The following SLAMF7 variants were observed in gnomAD, a reference collection of about 807,000 sequenced individuals.
SLAMF7 encodes SLAM family member 7.
A neutral mutation model predicts 34.1 loss-of-function variants in SLAMF7; 26 were observed. That is an observed-to-expected ratio of 0.76 (90% CI 0.56 to 1.06). The LOEUF is 1.06. Ranked by LOEUF, SLAMF7 falls within the 50% of genes least tolerant of loss-of-function variation. SLAMF7 has a pLI of 0.00. For missense variants in SLAMF7, 399 were observed against 402.5 expected (o/e 0.99, Z 0.07); for synonymous variants, 171 against 156.4 (o/e 1.09, Z -0.70).
rs1227165898 is a variant in SLAMF7, at chr1:160,754,241, C to T, written c.*1064C>T. 1 of 152,254 alleles carries T rather than the reference C, an allele frequency of 6.6e-6. No individual in the cohort carries two copies. Among genetic ancestry groups the T allele is most frequent in the South Asian group, 2.1e-4 (1 of 4,826 alleles). The allele number at this position is 152,254 out of a possible 1,614,324, so 9.4% of individuals were successfully genotyped here. A position where few individuals can be genotyped will look rare whatever the true frequency, so the allele number is the denominator to read the frequency against. ...CCAAGGTGGGTGGGTCATCTGAGGT[C>T]AGGAGTTCAAGACCAGCCTGGCCAA... is the stretch of plus-strand genomic sequence containing the variant. On this transcript the variant is annotated 3_prime_UTR_variant, in exon 7 of 7. Transcript: ENST00000368043.
chr1:160,742,653 G>T (rs970011314), intron 1 of SLAMF7, among the ~76,000 whole-genome samples: 1 of 152,120 alleles, frequency 6.6e-6, no homozygotes, highest in East Asian at 1.9e-4. Context: ...TTTATTTCTC[G>T]TATGAGGGTT....
Position 160,749,966 on chromosome 1 carries a change from C to T in SLAMF7, c.522C>T (p.Ser174=), listed in dbSNP as rs752212151. The change falls in exon 3 of 7, where the codon TCC becomes TCT. Residue 174 remains serine, a synonymous_variant. Transcript: ENST00000368043. The part of the protein sequence containing the change: ...WKALGQAANE[S]HNGSILPISW... The stretch of plus-strand genomic sequence containing the variant: ...CCCTGGGGCAAGCAGCCAATGAGTC[C>T]CATAATGGGTCCATCCTCCCCATCT... 2 of 1,613,964 alleles carry T rather than the reference C, an allele frequency of 1.2e-6. No homozygotes were observed. Among genetic ancestry groups the T allele is most frequent in the Non-Finnish European group, 1.7e-6 (2 of 1,179,980 alleles).
intron 6 of SLAMF7, among the ~76,000 whole-genome samples, chr1:160,752,667 A>G (rs920119973): frequency 7.9e-5 from 12 of 152,176 alleles, no homozygotes; most frequent in Non-Finnish European, 1.5e-4. Context: ...TGGTCCAGCT[A>G]TGTTACATCT....
intron 4 of SLAMF7, 49 bp downstream of exon 4, chr1:160,750,472 T>A: frequency 6.3e-7 from 1 of 1,592,462 alleles, no homozygotes; most frequent in Non-Finnish European, 8.6e-7. Flanking sequence ...GTTTTTCTCC[T>A]TCACTGATTC....
At chr1:160,747,044 A>T (rs1178607087) in intron 1 of SLAMF7, among the ~76,000 whole-genome samples, 1 of 152,136 alleles carries the variant, frequency 6.6e-6, no homozygotes, top group Non-Finnish European at 1.5e-5. Flanking sequence ...AATGAGCTCA[A>T]TTACAATGTG....
chr1:160,749,279 G>A (rs765748420), intron 2 of SLAMF7, among the ~76,000 whole-genome samples: 3 of 152,168 alleles, frequency 2.0e-5, no homozygotes, highest in African/African-American at 7.2e-5. Flanking sequence ...AACCTTTAAC[G>A]TCTCAAACCC....
rs1223075584 is a variant in SLAMF7, at chr1:160,754,816, C to T, written c.*1639C>T. The T allele has an allele frequency of 1.3e-5, 2 of 152,306 alleles. No homozygotes were observed. Among genetic ancestry groups the T allele is most frequent in the African/African-American group, 2.4e-5 (1 of 41,452 alleles). The allele number at this position is 152,306 out of a possible 1,614,324, so 9.4% of individuals were successfully genotyped here. Reference sequence around the variant, plus strand: ...AAACAGATATTGTGAGATTCACATACAAAAAGATGCATTATTTTGCTATTT... The same window carrying T: ...AAACAGATATTGTGAGATTCACATATAAAAAGATGCATTATTTTGCTATTT... On this transcript the variant is annotated 3_prime_UTR_variant, in exon 7 of 7. Transcript: ENST00000368043.
At position 160,751,269 on chromosome 1, in the gene SLAMF7, C is replaced by T. The variant is rs553943226; in HGVS notation, c.770-76C>T. Reference sequence around the variant, plus strand: ...GGTTGGTCACCCTAAGTGGGTCATCCAGGAGAAATGGTGGGCCAGTGGAAG... The same window carrying T: ...GGTTGGTCACCCTAAGTGGGTCATCTAGGAGAAATGGTGGGCCAGTGGAAG... On this transcript the variant is annotated intron_variant, in intron 4 of 6. Transcript: ENST00000368043. The T allele has an allele frequency of 2.3e-5, 25 of 1,099,052 alleles. No individual in the cohort carries two copies. In the East Asian group the frequency reaches 5.6e-4, roughly 25 times the overall value. 68.1% of individuals were successfully genotyped at this position (1,099,052 alleles called of 1,614,324 possible).
At chr1:160,748,798 G>A (rs1346769841) in intron 2 of SLAMF7, among the ~76,000 whole-genome samples, 1 of 152,208 alleles carries the variant, frequency 6.6e-6, no homozygotes, top group Non-Finnish European at 1.5e-5. Flanking sequence ...CCTTAGCCGA[G>A]TTATTTAATT....
chr1:160,744,524 T>C (rs1302295659), intron 1 of SLAMF7, among the ~76,000 whole-genome samples: 8 of 152,240 alleles, frequency 5.3e-5, no homozygotes, highest in Admixed American at 4.6e-4. Context: ...GGCAACATTT[T>C]CTTATATCCC....
In SLAMF7 at chr1:160,754,685, G is replaced by A. The variant is rs1003654137; in HGVS notation, c.*1508G>A. 1 of 152,356 alleles carries A rather than the reference G, an allele frequency of 6.6e-6. No homozygotes were observed. Among genetic ancestry groups the A allele is most frequent in the African/African-American group, 2.4e-5 (1 of 41,454 alleles). The allele number at this position is 152,356 out of a possible 1,614,324, so 9.4% of individuals were successfully genotyped here. ...ATGCTTGTTGGGCAAGAATGGGATT[G>A]AGGATTATCTTCTCTCAGAAAGGCA... On this transcript the variant is annotated 3_prime_UTR_variant, in exon 7 of 7. Transcript: ENST00000368043.
At chr1:160,743,767 C>T (rs1197486005) in intron 1 of SLAMF7, among the ~76,000 whole-genome samples, 1 of 152,218 alleles carries the variant, frequency 6.6e-6, no homozygotes, top group African/African-American at 2.4e-5. Context: ...CGGCTCACTG[C>T]AGCCTCCACC....
At chr1:160,741,763 A>T (rs1663763470) in intron 1 of SLAMF7, among the ~76,000 whole-genome samples, 1 of 152,166 alleles carries the variant, frequency 6.6e-6, no homozygotes, top group African/African-American at 2.4e-5. Context: ...AGGTGGCGCC[A>T]TGGGGCACAG....
In SLAMF7 at chr1:160,752,182, A is replaced by T. The variant is rs779608939; in HGVS notation, c.874-4A>T. ...TTCTTTTGTTTGTTGTTTGTTTTTA[A>T]AAGAGAACAATCCTAAAGGAAGATC... On this transcript the variant is annotated splice_polypyrimidine_tract_variant and splice_region_variant and intron_variant, in intron 5 of 6. Coordinates refer to ENST00000368043, the MANE Select transcript of SLAMF7 (RefSeq NM_021181.5). 4.3e-6 allele frequency: 7 copies of T among 1,611,490 alleles called. No homozygotes were observed. Among genetic ancestry groups the T allele is most frequent in the Non-Finnish European group, 5.9e-6 (7 of 1,178,312 alleles).
chr1:160,751,512 T>A, intron 5 of SLAMF7, 64 bp downstream of exon 5: 2 of 1,359,594 alleles, frequency 1.5e-6, no homozygotes, highest in Admixed American at 3.4e-5. Context: ...TGTGAGGTTT[T>A]TCCATGGGTT....
rs1269178472 is a variant in SLAMF7 at position 160,751,416 on chromosome 1, AAC to A, written c.845_846del (p.Thr282ArgfsTer9). On this transcript the variant is annotated frameshift_variant, in exon 5 of 7. Coordinates refer to ENST00000368043, the MANE Select transcript of SLAMF7 (RefSeq NM_021181.5). LOFTEE classifies it high-confidence loss of function. ...TPNICPHSGE[N>X]TEYDTIPHTN... ...TAACATATGCCCCCATTCTGGAGAG[AAC>A]ACAGAGTACGACACAATCCCTCACA... 6.2e-7 allele frequency: 1 copy of A among 1,613,878 alleles called. No homozygotes were observed. Among genetic ancestry groups the A allele is most frequent in the South Asian group, 1.1e-5 (1 of 91,074 alleles).
At chr1:160,753,046 A>T in intron 6 of SLAMF7, 60 bp from the exon 7 acceptor site, 1 of 1,518,938 alleles carries the variant, frequency 6.6e-7, no homozygotes, top group Non-Finnish European at 9.1e-7. Context: ...CAGGGTCTCC[A>T]TGGACGATCC....
At chr1:160,750,848 C>A (rs1018619473) in intron 4 of SLAMF7, 4 of 219,554 alleles carry the variant, frequency 1.8e-5, no homozygotes, top group South Asian at 7.4e-5. Flanking sequence ...CACCCACACC[C>A]TTTCCACAGG....
At chr1:160,745,655 C>T (rs554558601) in intron 1 of SLAMF7, among the ~76,000 whole-genome samples, 1 of 152,214 alleles carries the variant, frequency 6.6e-6, no homozygotes, top group East Asian at 1.9e-4. Context: ...TTAACTCAGC[C>T]TTTGTAGTGA....
Sources: allele counts gnomAD v4.1 joint callset (sites outside exome capture counted in the v4.1 genomes callset), GRCh38; gene constraint gnomAD v4.1.1; transcripts MANE v1.5; gene names NCBI Gene and HGNC (gene_info 2026-07-23, HGNC 2026-07-21).